The following SLFN5 variants were observed in gnomAD, a reference collection of about 807,000 sequenced individuals.
SLFN5 encodes the protein schlafen family member 5.
SLFN5 carries 34 observed loss-of-function variants against 48.5 expected under a neutral mutation model. The ratio of observed to expected loss-of-function variants is 0.70; its 90% CI spans 0.53 to 0.93. SLFN5 has a LOEUF of 0.93. Ranked by LOEUF, SLFN5 falls within the 40% of genes least tolerant of loss-of-function variation. The probability of loss-of-function intolerance (pLI) is 0.00; values close to 1 mark genes in which losing one functional copy is unlikely to be tolerated. For missense variants in SLFN5, 1,006 were observed against 1,071.3 expected, an observed-to-expected ratio of 0.94 and a Z score of 0.85; for synonymous variants, 387 against 396.2, an observed-to-expected ratio of 0.98 and a Z score of 0.28.
rs1385118210 is a variant in SLFN5 at position 35,273,035 on chromosome 17, G to T, written c.*7147G>T. On this transcript the variant is annotated 3_prime_UTR_variant, in exon 5 of 5. Coordinates refer to ENST00000299977, the MANE Select transcript of SLFN5 (RefSeq NM_144975.4). The stretch of plus-strand genomic sequence containing the variant: ...ATTGAATTTCACTTTATTCCTAAGA[G>T]CAGAAGACTGCAAAATAGTAAATAT... 1.3e-5 allele frequency: 2 copies of T among 152,118 alleles called. No individual in the cohort carries two copies. The highest frequency in any genetic ancestry group is 2.4e-5 in the African/African-American group (1 of 41,424). 9.4% of individuals were successfully genotyped at this position (152,118 alleles called of 1,614,324 possible). A position where few individuals can be genotyped will look rare whatever the true frequency, so the allele number is the denominator to read the frequency against.
intron 1 of SLFN5, among the ~76,000 whole-genome samples, chr17:35,255,364 A>T (rs2092451844): frequency 6.6e-6 from 1 of 152,202 alleles, no homozygotes; most frequent in Non-Finnish European, 1.5e-5. Flanking sequence ...TATTACTTTT[A>T]CTGCTGGGAA....
At chr17:35,252,516 A>G (rs2092444721) in intron 1 of SLFN5, among the ~76,000 whole-genome samples, 1 of 152,216 alleles carries the variant, frequency 6.6e-6, no homozygotes, top group South Asian at 2.1e-4. Flanking sequence ...TTCTAATGTC[A>G]TCTTTTGTTC....
chr17:35,250,358 T>A (rs1053051965), intron 1 of SLFN5, among the ~76,000 whole-genome samples: 1 of 152,134 alleles, frequency 6.6e-6, no homozygotes, highest in African/African-American at 2.4e-5. Flanking sequence ...GTCCAGATGC[T>A]CAAGTAAGAG....
rs1404234580 is a variant in SLFN5, at chr17:35,271,629, A to C, written c.*5741A>C. 6.6e-6 allele frequency: 1 copy of C among 152,246 alleles called. No individual in the cohort carries two copies. The highest frequency in any genetic ancestry group is 2.4e-5 in the African/African-American group (1 of 41,468). 9.4% of individuals were successfully genotyped at this position (152,246 alleles called of 1,614,324 possible). A position where few individuals can be genotyped will look rare whatever the true frequency, so the allele number is the denominator to read the frequency against. ...AAGCAGACCACGTTTTTGGATAAGA[A>C]GATTAAAAATTATAAATATATCAAT... On this transcript the variant is annotated 3_prime_UTR_variant, in exon 5 of 5. Transcript: ENST00000299977.
intron 1 of SLFN5, among the ~76,000 whole-genome samples, chr17:35,253,681 T>C (rs1333167191): frequency 1.4e-5 from 2 of 146,286 alleles, no homozygotes; most frequent in Admixed American, 1.4e-4. Flanking sequence ...GGCCTGAGTA[T>C]AGCTAACAGT....
chr17:35,252,241 G>C (rs2092444082), intron 1 of SLFN5, among the ~76,000 whole-genome samples: 1 of 152,072 alleles, frequency 6.6e-6, no homozygotes, highest in African/African-American at 2.4e-5. Context: ...ACCAGCCTAG[G>C]CAATCTTGTA....
Position 35,270,121 on chromosome 17 carries a change from G to A in SLFN5, c.*4233G>A, listed in dbSNP as rs903702543. On this transcript the variant is annotated 3_prime_UTR_variant, in exon 5 of 5. Transcript: ENST00000299977. The stretch of plus-strand genomic sequence containing the variant: ...TAAAATATTATGTATCATATCCTTC[G>A]ATTTAACATAATTCTATCTAGCTGT... 5.9e-5 allele frequency: 9 copies of A among 151,586 alleles called. No individual in the cohort carries two copies. Among genetic ancestry groups the A allele is most frequent in the African/African-American group, 1.2e-4 (5 of 41,284 alleles). The allele number at this position is 151,586 out of a possible 1,614,324, so 9.4% of individuals were successfully genotyped here.
chr17:35,261,172 T>G, intron 3 of SLFN5, 76 bp downstream of exon 3: 1 of 1,514,446 alleles, frequency 6.6e-7, no homozygotes, highest in East Asian at 2.3e-5. Context: ...TACTTTATAT[T>G]ATATACAGAA....
Position 35,259,597 on chromosome 17 carries a change from T to C in SLFN5, c.907T>C (p.Cys303Arg), listed in dbSNP as rs1904458651. ...VCAIKVEKFC[C>R]AVFAKVPSSW... ...TGCAATCAAGGTGGAGAAATTCTGC[T>C]GTGCGGTGTTTGCCAAAGTGCCTAG... Residue 303 changes from cysteine (C) to arginine (R), a missense_variant, in exon 2 of 5, where the codon TGT (cysteine) becomes CGT (arginine). Transcript: ENST00000299977. The C allele has an allele frequency of 6.2e-7, 1 of 1,611,368 alleles. No individual in the cohort carries two copies. The highest frequency in any genetic ancestry group is 1.7e-5 in the Admixed American group (1 of 60,016).
At chr17:35,251,274 A>G (rs2092441719) in intron 1 of SLFN5, among the ~76,000 whole-genome samples, 1 of 152,188 alleles carries the variant, frequency 6.6e-6, no homozygotes, top group African/African-American at 2.4e-5. Context: ...GCTTATTTCT[A>G]TTGGTTTAGG....
chr17:35,267,706 C>A lies in SLFN5; in HGVS notation c.*1818C>A, dbSNP rs1904736913. The A allele has an allele frequency of 6.6e-6, 1 of 151,930 alleles. No individual in the cohort carries two copies. The highest frequency in any genetic ancestry group is 2.4e-5 in the African/African-American group (1 of 41,320). The allele number at this position is 151,930 out of a possible 1,614,324, so 9.4% of individuals were successfully genotyped here. A position where few individuals can be genotyped will look rare whatever the true frequency, so the allele number is the denominator to read the frequency against. On this transcript the variant is annotated 3_prime_UTR_variant, in exon 5 of 5. Coordinates refer to ENST00000299977, the MANE Select transcript of SLFN5 (RefSeq NM_144975.4). ...GTGCACTCCAGTCTGGGTGACAGAA[C>A]AAGACCCTGTCTCCAAAAATTAAAT...
chr17:35,248,065 A>G (rs1316185216), intron 1 of SLFN5, among the ~76,000 whole-genome samples: 1 of 152,208 alleles, frequency 6.6e-6, no homozygotes, highest in Non-Finnish European at 1.5e-5. Context: ...CTGATGGTCA[A>G]CAGCTCTCAT....
chr17:35,245,552 G>A (rs780888213), intron 1 of SLFN5, among the ~76,000 whole-genome samples: 12 of 152,196 alleles, frequency 7.9e-5, no homozygotes, highest in Non-Finnish European at 1.6e-4. Context: ...ATCATTTCCA[G>A]TATTATTGTT....
chr17:35,265,348 C>A lies in SLFN5; in HGVS notation c.2136C>A (p.Val712=). The A allele has an allele frequency of 1.2e-6, 2 of 1,614,154 alleles. No individual in the cohort carries two copies. The highest frequency in any genetic ancestry group is 1.7e-6 in the Non-Finnish European group (2 of 1,180,024). ...QYPREEINRV[V]RNAGPIANYL... is the part of the protein sequence containing the mutation. Reference sequence around the variant, plus strand: ...CAAGAGAAGAGATCAACAGAGTGGTCCGCAATGCAGGTCCAATAGCTAATT... The same window carrying A: ...CAAGAGAAGAGATCAACAGAGTGGTACGCAATGCAGGTCCAATAGCTAATT... The change falls in exon 5 of 5, where the codon GTC becomes GTA. Residue 712 remains valine (V), a synonymous_variant. Coordinates refer to ENST00000299977, the MANE Select transcript of SLFN5 (RefSeq NM_144975.4).
chr17:35,249,873 A>C (rs2092438477), intron 1 of SLFN5, among the ~76,000 whole-genome samples: 3 of 152,236 alleles, frequency 2.0e-5, no homozygotes, highest in Non-Finnish European at 2.9e-5. Flanking sequence ...AGGGGCTAAA[A>C]ATTCCACTCA....
rs1322975151 is a variant in SLFN5 at position 35,272,306 on chromosome 17, A to G, written c.*6418A>G. On this transcript the variant is annotated 3_prime_UTR_variant, in exon 5 of 5. Transcript: ENST00000299977. ...TTAAATTCAAGTTAATTGGGGAAAGATGGATTATTCAATATATGATGAACA... is the reference window on the plus strand; with the variant it reads ...TTAAATTCAAGTTAATTGGGGAAAGGTGGATTATTCAATATATGATGAACA... 1 of 152,218 alleles carries G rather than the reference A, an allele frequency of 6.6e-6. No individual in the cohort carries two copies. Among genetic ancestry groups the G allele is most frequent in the Non-Finnish European group, 1.5e-5 (1 of 68,040 alleles). The allele number at this position is 152,218 out of a possible 1,614,324, so 9.4% of individuals were successfully genotyped here.
At chr17:35,262,466 G>A (rs1002266505) in intron 3 of SLFN5, among the ~76,000 whole-genome samples, 54 of 151,798 alleles carry the variant, frequency 3.6e-4, no homozygotes, top group Non-Finnish European at 2.9e-4. Context: ...TTGCCAGATT[G>A]TAAGCTAAAA....
rs1567793183 is a variant in SLFN5, at chr17:35,265,725, A to G, written c.2513A>G (p.Asp838Gly). The change falls in exon 5 of 5, where the codon GAT (aspartate) becomes GGT (glycine). Residue 838 changes from aspartate (D) to glycine (G), a missense_variant. By Grantham distance (94) the Asp-to-Gly change is moderately conservative. Coordinates refer to ENST00000299977, the MANE Select transcript of SLFN5 (RefSeq NM_144975.4). ...GGTGATGCGTCGGATGTTCTAACCG[A>G]TCACATTGTGTTGGACAGTGTCTGT... ...QIGDASDVLT[D>G]HIVLDSVCRF... 1 of 1,614,174 alleles carries G rather than the reference A, an allele frequency of 6.2e-7. No homozygotes were observed. The highest frequency in any genetic ancestry group is 8.5e-7 in the Non-Finnish European group (1 of 1,180,018).
chr17:35,257,533 C>T (rs2142696991), intron 1 of SLFN5, among the ~76,000 whole-genome samples: 1 of 146,738 alleles, frequency 6.8e-6, no homozygotes, highest in African/African-American at 2.5e-5. Context: ...TCCTTTGTTC[C>T]CGCTGGAGTA....
Sources: gnomAD v4.1 joint callset for allele counts (sites outside exome capture counted in the v4.1 genomes callset) on GRCh38, gnomAD v4.1.1 for gene constraint, MANE v1.5 for transcripts, NCBI Gene and HGNC (gene_info 2026-07-23, HGNC 2026-07-21) for gene names.